The following HMCN1 variants were observed in gnomAD, a reference collection of about 807,000 sequenced individuals.
HMCN1 encodes the protein hemicentin 1.
Under a neutral mutation model 625.9 loss-of-function variants are expected in HMCN1, and 321 were observed. That is an observed-to-expected ratio of 0.51 (90% CI 0.47 to 0.56). HMCN1 has a LOEUF of 0.56. Among genes scored for constraint, HMCN1 ranks in the 20% least tolerant of loss-of-function variants. The pLI, the probability that HMCN1 is intolerant of heterozygous loss-of-function variation, is 0.00. For synonymous variants in HMCN1, 2,425 were observed against 2,417.6 expected, an observed-to-expected ratio of 1.00 and a Z score of -0.09; for missense variants, 6,588 against 6,887.3, an observed-to-expected ratio of 0.96 and a Z score of 1.54.
chr1:186,167,387 T>G (rs59091582), intron 100 of HMCN1, among the ~76,000 whole-genome samples: 11,663 of 152,222 alleles, frequency 0.077, 1,175 homozygotes, highest in African/African-American at 0.23. Context: ...AGTACATAGA[T>G]TCCTATATAA....
At chr1:185,814,374 T>C (rs987066403) in intron 1 of HMCN1, among the ~76,000 whole-genome samples, 1 of 152,208 alleles carries the variant, frequency 6.6e-6, no homozygotes, top group Non-Finnish European at 1.5e-5. Flanking sequence ...TACTTCCCGA[T>C]GTATACTGGT....
chr1:185,745,728 C>T (rs1257551305), intron 1 of HMCN1, among the ~76,000 whole-genome samples: 2 of 152,124 alleles, frequency 1.3e-5, no homozygotes, highest in Non-Finnish European at 1.5e-5. Flanking sequence ...GTTTGGGTGG[C>T]CTGTCTGTCT....
chr1:186,156,117 CT>C (rs1223197961), intron 97 of HMCN1, among the ~76,000 whole-genome samples: 2 of 151,950 alleles, frequency 1.3e-5, no homozygotes, highest in Non-Finnish European at 2.9e-5. Context: ...TAAAATCTAA[CT>C]TATTTTTAAA....
In HMCN1 at chr1:185,902,405, CTCTATCTATCTATCTA is replaced by C. The variant is rs57523158; in HGVS notation, c.622-6899_622-6884del. On this transcript the variant is annotated intron_variant, in intron 4 of 106. Transcript: ENST00000271588. The stretch of plus-strand genomic sequence containing the variant: ...TCTATCTATCTATCTATCTATCTAT[CTCTATCTATCTATCTA>C]TCTATCTATCTATCTATCTATCTAT... Among the ~76,000 whole-genome samples the C allele has an allele frequency of 2.9e-3, 420 of 145,448 alleles. 3 individuals are homozygous for C. Among genetic ancestry groups the C allele is most frequent in the African/African-American group, 9.1e-3 (350 of 38,598 alleles).
chr1:185,856,480 C>T (rs1447252232), intron 2 of HMCN1, among the ~76,000 whole-genome samples: 4 of 147,666 alleles, frequency 2.7e-5, no homozygotes, highest in African/African-American at 1.0e-4. Context: ...AGAGCTAGAC[C>T]CTGTCTCAAA....
chr1:186,017,428 A>G (rs1042741747), intron 33 of HMCN1, among the ~76,000 whole-genome samples: 10 of 152,066 alleles, frequency 6.6e-5, no homozygotes, highest in Admixed American at 1.3e-4. Context: ...AATAAAAAGG[A>G]GTATACCAGA....
chr1:186,040,101 G>T (rs537810338), intron 39 of HMCN1, among the ~76,000 whole-genome samples: 2 of 151,946 alleles, frequency 1.3e-5, no homozygotes, highest in Non-Finnish European at 2.9e-5. Flanking sequence ...TTACTTTTAG[G>T]TGTTATATTT....
At chr1:186,144,052 A>C (rs1337505794) in intron 89 of HMCN1, 121 bp from the exon 90 acceptor site, 2 of 810,230 alleles carry the variant, frequency 2.5e-6, no homozygotes, top group Admixed American at 2.8e-5. Flanking sequence ...CATTTGGTTC[A>C]GTTTCAATTC....
intron 11 of HMCN1, among the ~76,000 whole-genome samples, chr1:185,944,951 T>G (rs1180021767): frequency 6.6e-6 from 1 of 152,228 alleles, no homozygotes; most frequent in Non-Finnish European, 1.5e-5. Flanking sequence ...CCCCTAAACA[T>G]TGTTTAATAT....
chr1:186,037,390 C>G (rs1655904009), intron 36 of HMCN1, among the ~76,000 whole-genome samples: 1 of 152,054 alleles, frequency 6.6e-6, no homozygotes, highest in Admixed American at 6.6e-5. Context: ...TCAGTAATTA[C>G]TTAAAGTTGA....
chr1:185,997,444 A>G lies in HMCN1; in HGVS notation c.3794A>G (p.Glu1265Gly). 6.2e-7 allele frequency: 1 copy of G among 1,610,524 alleles called. No homozygotes were observed. Among genetic ancestry groups the G allele is most frequent in the Non-Finnish European group, 8.5e-7 (1 of 1,177,254 alleles). Residue 1265 changes from glutamate to glycine, a missense_variant, in exon 25 of 107, where the codon GAA becomes GGA. Physicochemically the swap from Glu to Gly is moderately conservative, Grantham distance 98. Around this residue, in one of 3 missense-constraint regions of HMCN1, gnomAD observed 4,628 missense variants for 4,853.1 expected, o/e 0.95. Coordinates refer to ENST00000271588, the MANE Select transcript of HMCN1 (RefSeq NM_031935.3). ...TLHVQEPPTV[E>G]DLEPPYNTTF... ...TTCCTAATAGAACCACCCACAGTGG[A>G]AGATCTAGAACCTCCATATAACACT...
At chr1:186,113,602 T>C (rs1336888201) in intron 72 of HMCN1, among the ~76,000 whole-genome samples, 1 of 152,244 alleles carries the variant, frequency 6.6e-6, no homozygotes, top group Non-Finnish European at 1.5e-5. Flanking sequence ...CTTTCTGTTC[T>C]TCATTTAAAG....
Position 186,174,652 on chromosome 1 carries a change from T to C in HMCN1, c.15943+10T>C, listed in dbSNP as rs1368612024. The C allele has an allele frequency of 6.2e-7, 1 of 1,613,872 alleles. No individual in the cohort carries two copies. Among genetic ancestry groups the C allele is most frequent in the Non-Finnish European group, 8.5e-7 (1 of 1,179,810 alleles). On this transcript the variant is annotated intron_variant, in intron 103 of 106. Coordinates refer to ENST00000271588, the MANE Select transcript of HMCN1 (RefSeq NM_031935.3). The stretch of plus-strand genomic sequence containing the variant: ...GGAAGACCCTGCATGGGTAAGTTAA[T>C]AGGAACTTGTTGAGCAATAAAGCTA...
rs375216331 is a variant in HMCN1, at chr1:186,138,013, C to A, written c.13924+41C>A. 3 of 1,601,932 alleles carry A rather than the reference C, an allele frequency of 1.9e-6. No homozygotes were observed. In the African/African-American group the frequency reaches 4.0e-5, roughly 21 times the overall value. ...TAATGCTAAGATAAACAAAACTTTTCTATCTTAACCCCTATGAAAGAATTA... is the reference window on the plus strand; with the variant it reads ...TAATGCTAAGATAAACAAAACTTTTATATCTTAACCCCTATGAAAGAATTA... On this transcript the variant is annotated intron_variant, in intron 89 of 106. Transcript: ENST00000271588.
At position 186,069,700 on chromosome 1, in the gene HMCN1, C is replaced by T. The variant is rs1245397903; in HGVS notation, c.7917C>T (p.Asp2639=). The T allele has an allele frequency of 1.2e-6, 2 of 1,613,146 alleles. No homozygotes were observed. The highest frequency in any genetic ancestry group is 1.1e-5 in the South Asian group (1 of 90,810). Reference sequence around the variant, plus strand: ...TGCAGATCCTCAATGCACAGGAGGACAATGCTGGAAGATACTCTTGTGTAG... The same window carrying T: ...TGCAGATCCTCAATGCACAGGAGGATAATGCTGGAAGATACTCTTGTGTAG... The part of the protein sequence containing the change: ...RTLQILNAQE[D]NAGRYSCVAT... The change falls in exon 51 of 107, where the codon GAC becomes GAT. Residue 2639 remains aspartate, a synonymous_variant. Transcript: ENST00000271588.
At chr1:186,162,766 C>CTCTGGAAGTTTT (rs1219191750) in intron 97 of HMCN1, among the ~76,000 whole-genome samples, 1 of 152,184 alleles carries the variant, frequency 6.6e-6, no homozygotes, top group Non-Finnish European at 1.5e-5. Flanking sequence ...CTGATCGTTC[C>CTCTGGAAGTTTT]TCTGGAAGTT....
intron 25 of HMCN1, among the ~76,000 whole-genome samples, chr1:185,998,710 G>A (rs1488891449): frequency 1.3e-5 from 2 of 151,886 alleles, no homozygotes; most frequent in African/African-American, 4.8e-5. Flanking sequence ...TATAATGCTT[G>A]AATTCATTTA....
At chr1:186,028,689 T>C (rs567715112) in intron 36 of HMCN1, among the ~76,000 whole-genome samples, 2 of 152,178 alleles carry the variant, frequency 1.3e-5, no homozygotes, top group African/African-American at 4.8e-5. Context: ...TTTCCTCTTT[T>C]AGTTACTGAG....
intron 15 of HMCN1, among the ~76,000 whole-genome samples, chr1:185,975,461 T>C (rs1203410867): frequency 1.3e-5 from 2 of 151,918 alleles, no homozygotes; most frequent in Non-Finnish European, 2.9e-5. Flanking sequence ...CCAGATCTCA[T>C]GAGAATTCAC....
Sources: gnomAD v4.1 joint callset for allele counts (sites outside exome capture counted in the v4.1 genomes callset) on GRCh38, gnomAD v4.1.1 for gene constraint, gnomAD v4.1.1 regional missense constraint, MANE v1.5 for transcripts, NCBI Gene and HGNC (gene_info 2026-07-23, HGNC 2026-07-21) for gene names.